HECW2: variants seen among roughly 807,000 people sequenced by gnomAD.
HECW2 encodes the protein E3 ubiquitin-protein ligase HECW2.
A neutral mutation model predicts 175.2 loss-of-function variants in HECW2; 61 were observed. The ratio of observed to expected loss-of-function variants is 0.35; its 90% CI spans 0.28 to 0.43. The LOEUF (loss-of-function observed/expected upper bound fraction) is 0.43, where lower values mean the gene tolerates loss of function less well. Ranked by LOEUF, HECW2 falls within the 20% of genes least tolerant of loss-of-function variation. The pLI, the probability that HECW2 is intolerant of heterozygous loss-of-function variation, is 1.00. For missense variants in HECW2, 1,524 were observed against 2,000.5 expected (o/e 0.76, Z 4.54); for synonymous variants, 671 against 731.0 (o/e 0.92, Z 1.32).
intron 3 of HECW2, among the ~76,000 whole-genome samples, chr2:196,342,265 G>A (rs1046085559): frequency 4.0e-5 from 6 of 151,800 alleles, no homozygotes; most frequent in African/African-American, 7.3e-5. Context: ...TTAGCTGGGC[G>A]TGGTGGTGCA....
At chr2:196,466,673 C>T (rs1302918464) in intron 1 of HECW2, among the ~76,000 whole-genome samples, 3 of 152,096 alleles carry the variant, frequency 2.0e-5, no homozygotes, top group Non-Finnish European at 2.9e-5. Context: ...AGATTTGAAG[C>T]AGATCTTAAT....
At chr2:196,496,877 T>C (rs1316546356) in intron 1 of HECW2, among the ~76,000 whole-genome samples, 6 of 152,210 alleles carry the variant, frequency 3.9e-5, no homozygotes, top group Non-Finnish European at 8.8e-5. Flanking sequence ...ACTATAACTA[T>C]ACCAGTAATT....
intron 10 of HECW2, among the ~76,000 whole-genome samples, chr2:196,312,619 A>G (rs1453613566): frequency 1.3e-5 from 2 of 152,182 alleles, no homozygotes; most frequent in African/African-American, 2.4e-5. Flanking sequence ...AGGGGGTACA[A>G]AGGGGACTTC....
chr2:196,304,147 A>C (rs987722487), intron 13 of HECW2, among the ~76,000 whole-genome samples: 1 of 152,240 alleles, frequency 6.6e-6, no homozygotes, highest in Non-Finnish European at 1.5e-5. Flanking sequence ...AACCTTCTGT[A>C]GCCCTGCACG....
At chr2:196,309,467 G>T (rs146018548) in intron 10 of HECW2, among the ~76,000 whole-genome samples, 2 of 152,272 alleles carry the variant, frequency 1.3e-5, no homozygotes, top group East Asian at 3.9e-4. Context: ...ATTTTCAAAA[G>T]ACCTCACGCC....
At chr2:196,524,009 T>A (rs1688528001) in intron 1 of HECW2, among the ~76,000 whole-genome samples, 1 of 151,728 alleles carries the variant, frequency 6.6e-6, no homozygotes, top group African/African-American at 2.4e-5. Context: ...TTAGGGAGGA[T>A]GCCCTCTTTT....
intron 2 of HECW2, among the ~76,000 whole-genome samples, chr2:196,398,388 C>T (rs185445870): frequency 6.6e-6 from 1 of 152,172 alleles, no homozygotes; most frequent in Non-Finnish European, 1.5e-5. Context: ...AAATGTTATA[C>T]CATTACTACA....
intron 12 of HECW2, among the ~76,000 whole-genome samples, 180 bp downstream of exon 12, chr2:196,306,950 T>C (rs867646403): frequency 2.6e-5 from 4 of 152,234 alleles, no homozygotes; most frequent in Admixed American, 6.5e-5. Context: ...CCTTTCTTTA[T>C]ATTAATTAAA....
intron 13 of HECW2, among the ~76,000 whole-genome samples, chr2:196,294,980 C>T (rs113844845): frequency 2.0e-5 from 3 of 152,234 alleles, no homozygotes; most frequent in African/African-American, 7.2e-5. Flanking sequence ...TACTTGTTCC[C>T]TATCAAAACA....
chr2:196,575,950 T>A (rs1690546821), intron 1 of HECW2, among the ~76,000 whole-genome samples: 1 of 150,680 alleles, frequency 6.6e-6, no homozygotes, highest in African/African-American at 2.4e-5. Flanking sequence ...CCCTCATAAA[T>A]GAGTGGGACC....
intron 10 of HECW2, among the ~76,000 whole-genome samples, chr2:196,315,064 T>C (rs1422481091): frequency 6.6e-6 from 1 of 152,020 alleles, no homozygotes; most frequent in East Asian, 1.9e-4. Flanking sequence ...CAATCAGGTA[T>C]GCTCAGATCA....
chr2:196,550,016 A>C (rs375804565), intron 1 of HECW2, among the ~76,000 whole-genome samples: 2 of 152,200 alleles, frequency 1.3e-5, no homozygotes, highest in Non-Finnish European at 2.9e-5. Context: ...AGAATCTTCA[A>C]TGTAACCTGC....
At chr2:196,518,747 C>A (rs1688242669) in intron 1 of HECW2, among the ~76,000 whole-genome samples, 1 of 151,778 alleles carries the variant, frequency 6.6e-6, no homozygotes, top group East Asian at 1.9e-4. Context: ...ACCTACCGTC[C>A]CTCAATAATT....
chr2:196,256,036 G>A (rs1002502579), intron 18 of HECW2, among the ~76,000 whole-genome samples: 1 of 151,982 alleles, frequency 6.6e-6, no homozygotes, highest in Non-Finnish European at 1.5e-5. Flanking sequence ...TCTCACCACT[G>A]CACTCCAGCC....
At chr2:196,507,113 A>G (rs1247351768) in intron 1 of HECW2, among the ~76,000 whole-genome samples, 1 of 151,960 alleles carries the variant, frequency 6.6e-6, no homozygotes, top group Non-Finnish European at 1.5e-5. Flanking sequence ...CATATTACAC[A>G]CACACTAACA....
chr2:196,521,282 C>CAAAAAAAAAAAA (rs1158051512), intron 1 of HECW2, among the ~76,000 whole-genome samples: 125 of 53,608 alleles, frequency 2.3e-3, no homozygotes, highest in African/African-American at 4.7e-3. Context: ...ACGTGAGTAA[C>CAAAAAAAAAAAA]AAAAAAAAAA....
chr2:196,310,461 T>C (rs1022632951), intron 10 of HECW2, among the ~76,000 whole-genome samples: 3 of 152,220 alleles, frequency 2.0e-5, no homozygotes, highest in African/African-American at 7.2e-5. Flanking sequence ...TCAATATCAT[T>C]CTACCCAGGC....
chr2:196,480,142 C>CA lies in HECW2; in HGVS notation c.-35-46685dup, dbSNP rs542063019. 3.9e-4 allele frequency among the ~76,000 whole-genome samples: 58 copies of CA among 150,154 alleles called. No individual in the cohort carries two copies. In the South Asian group the frequency reaches 7.6e-3, roughly 20 times the overall value. ...TTCCCCATCACTTCCAATTAAAAAACAAAAAAAAAGGTGTCTGTCTGAAAT... is the reference window on the plus strand; with the variant it reads ...TTCCCCATCACTTCCAATTAAAAAACAAAAAAAAAAGGTGTCTGTCTGAAAT... On this transcript the variant is annotated intron_variant, in intron 1 of 28. Transcript: ENST00000644978.
At chr2:196,520,597 TA>T (rs1172984512) in intron 1 of HECW2, among the ~76,000 whole-genome samples, 1 of 152,226 alleles carries the variant, frequency 6.6e-6, no homozygotes, top group Admixed American at 6.5e-5. Context: ...GCTTTCACTG[TA>T]ATCTGGTAAG....
Sources: allele counts gnomAD v4.1 joint callset (sites outside exome capture counted in the v4.1 genomes callset), GRCh38; gene constraint gnomAD v4.1.1; transcripts MANE v1.5; gene names NCBI Gene and HGNC (gene_info 2026-07-23, HGNC 2026-07-21).